KCNJ12: variants seen among roughly 807,000 people sequenced by gnomAD.
The protein encoded by KCNJ12 is potassium inwardly rectifying channel subfamily J member 12.
A neutral mutation model predicts 22.3 loss-of-function variants in KCNJ12; 2 were observed. That is an observed-to-expected ratio of 0.09 (90% CI 0.04 to 0.28). The LOEUF is 0.28. Among genes scored for constraint, KCNJ12 ranks in the 10% least tolerant of loss-of-function variants. The pLI is 1.00. For missense variants in KCNJ12, 155 were observed against 633.3 expected, an observed-to-expected ratio of 0.24 and a Z score of 8.11; for synonymous variants, 117 against 261.4, an observed-to-expected ratio of 0.45 and a Z score of 5.33.
chr17:21,407,181 CATCT>C (rs1905998471), intron 1 of KCNJ12, among the ~76,000 whole-genome samples: 1 of 152,306 alleles, frequency 6.6e-6, no homozygotes, highest in Non-Finnish European at 1.5e-5. Context: ...TCCACCCATC[CATCT>C]ATCCATCTAC....
chr17:21,406,292 G>A (rs1351359576), intron 1 of KCNJ12, among the ~76,000 whole-genome samples: 1 of 151,464 alleles, frequency 6.6e-6, no homozygotes, highest in Non-Finnish European at 1.5e-5. Context: ...GGCTTGCACA[G>A]TGTTGGCCCA....
chr17:21,411,162 G>A (rs2142074048), intron 2 of KCNJ12, among the ~76,000 whole-genome samples: 1 of 152,428 alleles, frequency 6.6e-6, no homozygotes, highest in Non-Finnish European at 1.5e-5. Context: ...AACCTGAGAA[G>A]CCCAGGGCCT....
chr17:21,412,290 G>A (rs1322692433), intron 2 of KCNJ12, among the ~76,000 whole-genome samples: 2 of 152,118 alleles, frequency 1.3e-5, no homozygotes, highest in Admixed American at 1.3e-4. Context: ...GCAGGTCTGC[G>A]GTGCCCAGCC....
At position 21,419,267 on chromosome 17, in the gene KCNJ12, GGTTA is replaced by G. The variant is rs1907015381; in HGVS notation, c.*2626_*2629del. 1 of 166,268 alleles carries G rather than the reference GGTTA, an allele frequency of 6.0e-6. No individual in the cohort carries two copies. The highest frequency in any genetic ancestry group is 2.4e-5 in the African/African-American group (1 of 41,120). The allele number at this position is 166,268 out of a possible 1,614,324, so 10.3% of individuals were successfully genotyped here. On this transcript the variant is annotated 3_prime_UTR_variant, in exon 3 of 3. Coordinates refer to ENST00000583088, the MANE Select transcript of KCNJ12 (RefSeq NM_021012.5). ...ACTCGGCTCTTCATGTGTATGACTG[GGTTA>G]GTAATACAGATACGTGATCTATACG... is the stretch of plus-strand genomic sequence containing the variant.
chr17:21,400,657 G>A (rs1434613931), intron 1 of KCNJ12, among the ~76,000 whole-genome samples: 2 of 152,308 alleles, frequency 1.3e-5, no homozygotes, highest in African/African-American at 4.8e-5. Flanking sequence ...CCCTGAGCTG[G>A]CAGGTGCTCA....
intron 2 of KCNJ12, among the ~76,000 whole-genome samples, chr17:21,410,685 G>A (rs1168943398): frequency 8.1e-3 from 1,228 of 152,284 alleles, no homozygotes; most frequent in African/African-American, 0.028. Context: ...GGGACCAAAA[G>A]GATTGCAGTG....
intron 1 of KCNJ12, among the ~76,000 whole-genome samples, chr17:21,390,920 C>G (rs1429723347): frequency 6.6e-6 from 1 of 152,218 alleles, no homozygotes; most frequent in African/African-American, 2.4e-5. Flanking sequence ...AGTTCCAAAG[C>G]CTTCCACCAT....
intron 1 of KCNJ12, among the ~76,000 whole-genome samples, chr17:21,402,674 G>A (rs4344807): frequency 6.6e-6 from 1 of 152,304 alleles, no homozygotes; most frequent in Non-Finnish European, 1.5e-5. Context: ...AATAAGGCCA[G>A]ATTTACAAAA....
chr17:21,401,554 G>A (rs1264118769), intron 1 of KCNJ12, among the ~76,000 whole-genome samples: 2 of 152,206 alleles, frequency 1.3e-5, no homozygotes, highest in Non-Finnish European at 2.9e-5. Context: ...AGGTGGAGAC[G>A]CCCTGTTCCC....
intron 1 of KCNJ12, among the ~76,000 whole-genome samples, chr17:21,404,647 G>A (rs1244787075): frequency 1.3e-5 from 2 of 152,330 alleles, no homozygotes; most frequent in South Asian, 2.1e-4. Context: ...AGGACTTAAC[G>A]GAGCCCAGGG....
At chr17:21,398,607 C>T (rs147898727) in intron 1 of KCNJ12, among the ~76,000 whole-genome samples, 101 of 152,324 alleles carry the variant, frequency 6.6e-4, no homozygotes, top group Middle Eastern at 3.4e-3. Context: ...TTTTGGCTGC[C>T]GTCCTGTCCC....
chr17:21,386,085 C>G (rs368961609), intron 1 of KCNJ12, among the ~76,000 whole-genome samples: 1 of 152,242 alleles, frequency 6.6e-6, no homozygotes, highest in South Asian at 2.1e-4. Flanking sequence ...TGGTTTCCTG[C>G]TGCTGCCACC....
At chr17:21,408,666 C>T (rs1906127519) in intron 2 of KCNJ12, 26 bp downstream of exon 2, 1 of 152,456 alleles carries the variant, frequency 6.6e-6, no homozygotes, top group South Asian at 2.1e-4. Context: ...TTGACATGCT[C>T]TTGTGCATCT....
intron 1 of KCNJ12, among the ~76,000 whole-genome samples, chr17:21,383,912 A>G (rs906973940): frequency 2.6e-5 from 4 of 152,156 alleles, no homozygotes; most frequent in African/African-American, 4.8e-5. Context: ...TTTGTTGAAT[A>G]TAACAGTTTT....
At chr17:21,387,683 G>T (rs1317121069) in intron 1 of KCNJ12, among the ~76,000 whole-genome samples, 4 of 152,122 alleles carry the variant, frequency 2.6e-5, no homozygotes, top group Admixed American at 1.3e-4. Flanking sequence ...CAACTGGTGT[G>T]AACATCTAAC....
At chr17:21,403,684 G>A (rs1905764122) in intron 1 of KCNJ12, among the ~76,000 whole-genome samples, 1 of 152,274 alleles carries the variant, frequency 6.6e-6, no homozygotes, top group South Asian at 2.1e-4. Flanking sequence ...TGCAGGGTGA[G>A]GCAGAGGCTC....
At chr17:21,414,331 T>C (rs1345068896) in intron 2 of KCNJ12, among the ~76,000 whole-genome samples, 44 of 151,920 alleles carry the variant, frequency 2.9e-4, no homozygotes, top group African/African-American at 1.0e-3. Flanking sequence ...AAAAGTTAGC[T>C]GGATGTGGTG....
At chr17:21,405,346 T>C (rs1380058770) in intron 1 of KCNJ12, 2 of 152,232 alleles carry the variant, frequency 1.3e-5, no homozygotes, top group Non-Finnish European at 2.9e-5. Flanking sequence ...GGTCTCCTCA[T>C]TTTGCAGATG....
At chr17:21,406,699 C>G (rs11655417) in intron 1 of KCNJ12, among the ~76,000 whole-genome samples, 3 of 152,286 alleles carry the variant, frequency 2.0e-5, no homozygotes, top group Non-Finnish European at 4.4e-5. Context: ...CTGTGTGCCT[C>G]TAAACCACTG....
Sources: allele counts gnomAD v4.1 joint callset (sites outside exome capture counted in the v4.1 genomes callset), GRCh38; gene constraint gnomAD v4.1.1; transcripts MANE v1.5; gene names NCBI Gene and HGNC (gene_info 2026-07-23, HGNC 2026-07-21).